The following RGS14 variants were observed in gnomAD, a reference collection of about 807,000 sequenced individuals.
RGS14 encodes the protein regulator of G-protein signaling 14.
In RGS14, 33 loss-of-function variants were observed where a neutral mutation model predicts 63.8. The ratio of observed to expected loss-of-function variants is 0.52; its 90% confidence interval spans 0.39 to 0.69. RGS14 has a LOEUF of 0.69. Ranked by LOEUF, RGS14 falls within the 30% of genes least tolerant of loss-of-function variation. RGS14 has a pLI of 0.00. For synonymous variants in RGS14, 296 were observed against 320.9 expected, an observed-to-expected ratio of 0.92 and a Z score of 0.83; for missense variants, 739 against 742.9, an observed-to-expected ratio of 0.99 and a Z score of 0.06.
chr5:177,367,196 A>T, intron 5 of RGS14, 162 bp downstream of exon 5: 1 of 1,125,244 alleles, frequency 8.9e-7, no homozygotes, highest in South Asian at 1.6e-5. Flanking sequence ...AGAGGGCGGT[A>T]TCAGAGGCAC....
Position 177,366,777 on chromosome 5 carries a change from A to T in RGS14, c.316A>T (p.Ile106Phe). The change falls in exon 4 of 15, where the codon ATC becomes TTC. Residue 106 changes from isoleucine to phenylalanine, a missense_variant. Physicochemically the swap from Ile to Phe is conservative, Grantham distance 21 (BLOSUM62 0). Transcript: ENST00000408923. ...FWKACERFQQ[I>F]PASDTQQLAQ... ...GAAGGCCTGCGAGCGCTTCCAGCAGATCCCGGCCAGCGATACCCAGCAGGT... is the reference window on the plus strand; with the variant it reads ...GAAGGCCTGCGAGCGCTTCCAGCAGTTCCCGGCCAGCGATACCCAGCAGGT... The T allele has an allele frequency of 6.2e-7, 1 of 1,614,050 alleles. No individual in the cohort carries two copies. The highest frequency in any genetic ancestry group is 8.5e-7 in the Non-Finnish European group (1 of 1,179,996).
In RGS14 at chr5:177,371,012, T is replaced by A; in HGVS notation, c.1235T>A (p.Leu412Gln). 1 of 1,590,306 alleles carries A rather than the reference T, an allele frequency of 6.3e-7. No homozygotes were observed. Among genetic ancestry groups the A allele is most frequent in the East Asian group, 2.3e-5 (1 of 44,328 alleles). The change falls in exon 11 of 15, where the codon CTA (leucine) becomes CAA (glutamine). Residue 412 changes from leucine (L) to glutamine (Q), a missense_variant. Leu to Gln is a moderately radical substitution (Grantham distance 113). Coordinates refer to ENST00000408923, the MANE Select transcript of RGS14 (RefSeq NM_006480.5). The surrounding 1 kb of genome is among the most constrained non-coding windows in gnomAD (Gnocchi z 6.1). ...PILEKHGLSP[L>Q]EVVLHRPGEK... ...CTGGAGAAGCACGGCTTGAGCCCGC[T>A]AGAGGTGGTGCTGCACCGGGTGAGC...
intron 1 of RGS14, among the ~76,000 whole-genome samples, chr5:177,365,680 T>G (rs1022532796): frequency 5.9e-5 from 9 of 152,228 alleles, no homozygotes; most frequent in African/African-American, 2.2e-4. Flanking sequence ...AGTCTGTTCC[T>G]ACCCACCATG....
At position 177,370,579 on chromosome 5, in the gene RGS14, C is replaced by G. The variant is rs1441809615; in HGVS notation, c.1054-12C>G. 2 of 1,613,488 alleles carry G rather than the reference C, an allele frequency of 1.2e-6. No homozygotes were observed. The highest frequency in any genetic ancestry group is 2.2e-5 in the South Asian group (2 of 91,082). On this transcript the variant is annotated splice_polypyrimidine_tract_variant and intron_variant, in intron 9 of 14. Coordinates refer to ENST00000408923, the MANE Select transcript of RGS14 (RefSeq NM_006480.5). ...GGAGGGACTCTTAGACCCTGCCTGGCATCCACAGAAGGCCCTGGTCCTGGA... is the reference window on the plus strand; with the variant it reads ...GGAGGGACTCTTAGACCCTGCCTGGGATCCACAGAAGGCCCTGGTCCTGGA...
At position 177,366,164 on chromosome 5, in the gene RGS14, CA is replaced by C; in HGVS notation, c.68-12del. The C allele has an allele frequency of 6.2e-7, 1 of 1,600,762 alleles. No homozygotes were observed. The highest frequency in any genetic ancestry group is 8.5e-7 in the Non-Finnish European group (1 of 1,173,168). ...GCAGCAAGGCTCACCCCAACTTGTCCATCCCCCTGCAGAGCTGAGCAGCACG... is the reference window on the plus strand; with the variant it reads ...GCAGCAAGGCTCACCCCAACTTGTCCTCCCCCTGCAGAGCTGAGCAGCACG... On this transcript the variant is annotated splice_polypyrimidine_tract_variant and intron_variant, in intron 2 of 14. Transcript: ENST00000408923.
Position 177,372,166 on chromosome 5 carries a change from T to C in RGS14, c.*91T>C. On this transcript the variant is annotated 3_prime_UTR_variant, in exon 15 of 15. Transcript: ENST00000408923. ...CTGCATGCCCTGTCTGTGCCATGAGTGTCCCTGGCCCCTTCCTGCCATGGG... is the reference window on the plus strand; with the variant it reads ...CTGCATGCCCTGTCTGTGCCATGAGCGTCCCTGGCCCCTTCCTGCCATGGG... The C allele has an allele frequency of 2.3e-6, 3 of 1,298,774 alleles. No homozygotes were observed. Among genetic ancestry groups the C allele is most frequent in the East Asian group, 2.3e-5 (1 of 42,892 alleles). The allele number at this position is 1,298,774 out of a possible 1,614,324, so 80.5% of individuals were successfully genotyped here.
rs572280360 is a variant in RGS14, at chr5:177,364,111, G to A, written c.46-1852G>A. ...GACCGGATCTGGCCCACAGATGGCC[G>A]CCCTGTGACCTGAATACTCTCAGGG... On this transcript the variant is annotated intron_variant, in intron 1 of 14. Transcript: ENST00000408923. The surrounding 1 kb of genome is among the most constrained non-coding windows in gnomAD (Gnocchi z 4.6). 3.9e-5 allele frequency among the ~76,000 whole-genome samples: 6 copies of A among 152,202 alleles called. No homozygotes were observed. The highest frequency in any genetic ancestry group is 3.9e-4 in the East Asian group (2 of 5,190).
intron 1 of RGS14, among the ~76,000 whole-genome samples, chr5:177,361,063 T>C (rs1267317392): frequency 6.6e-6 from 1 of 152,228 alleles, no homozygotes; most frequent in African/African-American, 2.4e-5. Flanking sequence ...TAGCCTGTCC[T>C]GTCCTGTCAG....
intron 1 of RGS14, among the ~76,000 whole-genome samples, chr5:177,363,804 T>G: frequency 6.6e-6 from 1 of 152,100 alleles, no homozygotes; most frequent in Non-Finnish European, 1.5e-5. Context: ...CCTCCCAAAT[T>G]TGAGCCTGCC....
chr5:177,366,083 C>T, intron 2 of RGS14, 94 bp from the exon 3 acceptor site: 2 of 1,587,062 alleles, frequency 1.3e-6, no homozygotes, highest in African/African-American at 1.3e-5. Context: ...TTCCAGGGAA[C>T]ATGGCTGCAG....
Position 177,367,750 on chromosome 5 carries a change from G to A in RGS14, c.664G>A (p.Gly222Ser), listed in dbSNP as rs764434554. The A allele has an allele frequency of 1.9e-6, 3 of 1,613,328 alleles. No individual in the cohort carries two copies. In the South Asian group the frequency reaches 3.3e-5, roughly 18 times the overall value. Residue 222 changes from glycine (G) to serine (S), a missense_variant, in exon 7 of 15, where the codon GGT (glycine) becomes AGT (serine). Coordinates refer to ENST00000408923, the MANE Select transcript of RGS14 (RefSeq NM_006480.5). The stretch of plus-strand genomic sequence containing the variant: ...GAAGCCCGGGAAGTCGCTGCCGCTG[G>A]GTGTGGAGGAGTTGGGGCAGCTGCC... ...KLKPGKSLPLGVEELGQLPPV... is the reference protein window; with the variant it reads ...KLKPGKSLPLSVEELGQLPPV...
chr5:177,371,388 C>G lies in RGS14; in HGVS notation c.1375C>G (p.Arg459Gly). 1 of 1,614,084 alleles carries G rather than the reference C, an allele frequency of 6.2e-7. No individual in the cohort carries two copies. Among genetic ancestry groups the G allele is most frequent in the Admixed American group, 1.7e-5 (1 of 60,008 alleles). ...CAAAGCCCGTGACAAATCTCCCTGCCGCAGCCAGGTGAGCGAAAGGCGAGT... is the reference window on the plus strand; with the variant it reads ...CAAAGCCCGTGACAAATCTCCCTGCGGCAGCCAGGTGAGCGAAAGGCGAGT... ...ISKARDKSPC[R>G]SQGCPPRTQD... is the part of the protein sequence containing the mutation. Residue 459 changes from arginine to glycine, a missense_variant, in exon 13 of 15, where the codon CGC becomes GGC. Physicochemically the swap from Arg to Gly is moderately radical, Grantham distance 125. Coordinates refer to ENST00000408923, the MANE Select transcript of RGS14 (RefSeq NM_006480.5). This position sits in a 1 kb window ranked among gnomAD's most constrained non-coding sequence, Gnocchi z 6.1.
rs994463827 is a variant in RGS14 at position 177,371,391 on chromosome 5, A to C, written c.1378A>C (p.Ser460Arg). Residue 460 changes from serine to arginine, a missense_variant, in exon 13 of 15, where the codon AGC (serine) becomes CGC (arginine). Physicochemically the swap from Ser to Arg is moderately radical, Grantham distance 110. Transcript: ENST00000408923. This position sits in a 1 kb window ranked among gnomAD's most constrained non-coding sequence, Gnocchi z 6.1. ...SKARDKSPCR[S>R]QGCPPRTQDK... Reference sequence around the variant, plus strand: ...AGCCCGTGACAAATCTCCCTGCCGCAGCCAGGTGAGCGAAAGGCGAGTGGC... The same window carrying C: ...AGCCCGTGACAAATCTCCCTGCCGCCGCCAGGTGAGCGAAAGGCGAGTGGC... 8.1e-6 allele frequency: 13 copies of C among 1,614,006 alleles called. No individual in the cohort carries two copies. The highest frequency in any genetic ancestry group is 1.1e-5 in the Non-Finnish European group (13 of 1,180,030).
chr5:177,366,827 G>A, intron 4 of RGS14, 27 bp downstream of exon 4: 2 of 1,614,132 alleles, frequency 1.2e-6, no homozygotes, highest in Non-Finnish European at 1.7e-6. Context: ...CTGGGGCCGA[G>A]GGCTGGGGAG....
chr5:177,368,985 T>C, intron 9 of RGS14, 65 bp downstream of exon 9: 1 of 1,513,492 alleles, frequency 6.6e-7, no homozygotes. Flanking sequence ...TCCATTTCTG[T>C]CTCTGCTCAG....
chr5:177,358,846 C>T lies in RGS14; in HGVS notation c.45+777C>T, dbSNP rs116560596. 5.1e-3 allele frequency among the ~76,000 whole-genome samples: 777 copies of T among 152,336 alleles called. 7 individuals carry two copies. The highest frequency in any genetic ancestry group is 0.018 in the African/African-American group (743 of 41,576). ...GTCCCTCTTAACAACCTCAGGAAGG[C>T]CAGTGTCCTGGCCCACCACCAGGCC... On this transcript the variant is annotated intron_variant, in intron 1 of 14. Coordinates refer to ENST00000408923, the MANE Select transcript of RGS14 (RefSeq NM_006480.5). The surrounding 1 kb of genome is among the most constrained non-coding windows in gnomAD (Gnocchi z 4.8).
Position 177,367,052 on chromosome 5 carries a change from G to C in RGS14, c.483+18G>C. On this transcript the variant is annotated intron_variant, in intron 5 of 14. Coordinates refer to ENST00000408923, the MANE Select transcript of RGS14 (RefSeq NM_006480.5). ...AGCTTCAGGTGGGCGATCCTGGGGGGATTGGCCTTGAAAGGGAGACAAAAG... is the reference window on the plus strand; with the variant it reads ...AGCTTCAGGTGGGCGATCCTGGGGGCATTGGCCTTGAAAGGGAGACAAAAG... 2 of 1,593,582 alleles carry C rather than the reference G, an allele frequency of 1.3e-6. No homozygotes were observed. Among genetic ancestry groups the C allele is most frequent in the Non-Finnish European group, 1.7e-6 (2 of 1,169,812 alleles).
Position 177,367,790 on chromosome 5 carries a change from C to G in RGS14, c.704C>G (p.Pro235Arg). The change falls in exon 7 of 15, where the codon CCT (proline) becomes CGT (arginine). Residue 235 changes from proline to arginine, a missense_variant. By Grantham distance (103) the Pro-to-Arg change is moderately radical. Coordinates refer to ENST00000408923, the MANE Select transcript of RGS14 (RefSeq NM_006480.5). The part of the protein sequence containing the change: ...ELGQLPPVEG[P>R]GGRPLRKSFR... Reference sequence around the variant, plus strand: ...GGGCAGCTGCCACCCGTTGAGGGTCCTGGGGGCCGCCCTCTCCGCAAGTCC... The same window carrying G: ...GGGCAGCTGCCACCCGTTGAGGGTCGTGGGGGCCGCCCTCTCCGCAAGTCC... The G allele has an allele frequency of 6.2e-7, 1 of 1,610,020 alleles. No homozygotes were observed. The highest frequency in any genetic ancestry group is 8.5e-7 in the Non-Finnish European group (1 of 1,178,340).
chr5:177,368,885 C>T lies in RGS14; in HGVS notation c.1018C>T (p.Pro340Ser), dbSNP rs1355976661. 3.1e-6 allele frequency: 5 copies of T among 1,614,072 alleles called. No individual in the cohort carries two copies. The highest frequency in any genetic ancestry group is 4.5e-5 in the East Asian group (2 of 44,896). Residue 340 changes from proline (P) to serine (S), a missense_variant, in exon 9 of 15, where the codon CCT becomes TCT. Transcript: ENST00000408923. Reference sequence around the variant, plus strand: ...CTGTGAGAAACGAGGCCTCTCTCTACCTGACATCAAGGTCTACCTGGTGGG... The same window carrying T: ...CTGTGAGAAACGAGGCCTCTCTCTATCTGACATCAAGGTCTACCTGGTGGG... ...GICEKRGLSL[P>S]DIKVYLVGNE...
Sources: gnomAD v4.1 joint callset for allele counts (sites outside exome capture counted in the v4.1 genomes callset) on GRCh38, gnomAD v4.1.1 for gene constraint, Gnocchi (gnomAD v3.1) non-coding constraint, MANE v1.5 for transcripts, NCBI Gene and HGNC (gene_info 2026-07-23, HGNC 2026-07-21) for gene names.